TDRD12: variants seen among roughly 807,000 people sequenced by gnomAD.
The protein encoded by TDRD12 is tudor domain containing 12.
Under a neutral mutation model 133.5 loss-of-function variants are expected in TDRD12, and 158 were observed. The observed-to-expected ratio is 1.18, with a 90% CI of 1.04 to 1.35. TDRD12 has a LOEUF of 1.35. TDRD12 is among the 40% of genes most tolerant of loss of function. The probability of loss-of-function intolerance (pLI) is 0.00; values close to 1 mark genes in which losing one functional copy is unlikely to be tolerated. For missense variants in TDRD12, 1,443 were observed against 1,321.3 expected (o/e 1.09, Z -1.43); for synonymous variants, 460 against 477.9 (o/e 0.96, Z 0.49).
chr19:32,735,465 G>C lies in TDRD12; in HGVS notation c.184-3391G>C, dbSNP rs114719710. 2.8e-3 allele frequency among the ~76,000 whole-genome samples: 419 copies of C among 152,294 alleles called. 1 individual carries two copies. Among genetic ancestry groups the C allele is most frequent in the African/African-American group, 9.3e-3 (387 of 41,550 alleles). ...GCTGCAGGGAAAAAATGTGAAGCTAGCGGAGGTTGGTTCATGAGGTTTAAG... is the reference window on the plus strand; with the variant it reads ...GCTGCAGGGAAAAAATGTGAAGCTACCGGAGGTTGGTTCATGAGGTTTAAG... On this transcript the variant is annotated intron_variant, in intron 2 of 27. Coordinates refer to ENST00000444215, the Ensembl canonical transcript of TDRD12.
At chr19:32,754,000 G>A (rs1382678214) in intron 6 of TDRD12, among the ~76,000 whole-genome samples, 1 of 152,144 alleles carries the variant, frequency 6.6e-6, no homozygotes, top group Non-Finnish European at 1.5e-5. Context: ...GTTTGCCAAA[G>A]TTACTTAGGT....
At chr19:32,781,687 TTCTCTC>T (rs35069423) in intron 11 of TDRD12, among the ~76,000 whole-genome samples, 9 of 148,288 alleles carry the variant, frequency 6.1e-5, no homozygotes, top group South Asian at 4.3e-4. Context: ...TCCTTTCCTT[TTCTCTC>T]TCTCTCTCTC....
chr19:32,733,115 T>A (rs1433882505), intron 2 of TDRD12, among the ~76,000 whole-genome samples: 2 of 152,120 alleles, frequency 1.3e-5, no homozygotes, highest in Admixed American at 6.6e-5. Flanking sequence ...ATAGCTGCAG[T>A]AAGCTGTGTT....
At chr19:32,823,478 C>T (rs73580050), downstream of TDRD12, among the ~76,000 whole-genome samples, 220 of 152,182 alleles carry the variant, frequency 1.4e-3, 2 homozygotes, top group African/African-American at 5.2e-3. Flanking sequence ...AACCCAGGTT[C>T]TTCATCACAG....
intron 5 of TDRD12, 21 bp from the exon 6 acceptor site, chr19:32,749,763 G>A (rs1428040332): frequency 6.6e-7 from 1 of 1,508,072 alleles, no homozygotes; most frequent in Admixed American, 2.0e-5. Context: ...GCTGATTTGT[G>A]TTTTCATTTA....
intron 8 of TDRD12, among the ~76,000 whole-genome samples, chr19:32,768,315 A>AT (rs556553691): frequency 1.5e-4 from 23 of 151,880 alleles, no homozygotes; most frequent in Non-Finnish European, 2.8e-4. Flanking sequence ...TTTTAAAGAG[A>AT]TTTTTAAGAT....
intron 21 of TDRD12, among the ~76,000 whole-genome samples, chr19:32,804,588 G>A (rs1186177460): frequency 6.6e-6 from 1 of 151,670 alleles, no homozygotes; most frequent in Non-Finnish European, 1.5e-5. Context: ...AGCTACTTGG[G>A]AGGCTGAGGC....
chr19:32,719,928 G>C, exon 1 of TDRD12: 1 of 1,035,822 alleles, frequency 9.7e-7, no homozygotes, highest in Middle Eastern at 3.0e-4. Context: ...TGGGGCACCT[G>C]CCGCGGGGGG....
chr19:32,778,548 A>G (rs1970674902), intron 11 of TDRD12, among the ~76,000 whole-genome samples: 1 of 152,064 alleles, frequency 6.6e-6, no homozygotes, highest in African/African-American at 2.4e-5. Context: ...CACCCAGGAT[A>G]GAGTGCAATG....
chr19:32,825,020 G>A (rs1159404273), downstream of TDRD12, among the ~76,000 whole-genome samples: 4 of 152,122 alleles, frequency 2.6e-5, no homozygotes, highest in Non-Finnish European at 4.4e-5. The surrounding 1 kb of genome is among the most constrained non-coding windows in gnomAD (Gnocchi z 4.1). Flanking sequence ...CTAGCTTCAC[G>A]GCTCTGTCTT....
At chr19:32,777,298 T>A in intron 11 of TDRD12, 69 bp downstream of exon 11, 1 of 988,780 alleles carries the variant, frequency 1.0e-6, no homozygotes, top group South Asian at 1.7e-5. Flanking sequence ...ACAAGAGAAA[T>A]CTACACATTT....
At chr19:32,812,454 A>G (rs1459959726) in intron 24 of TDRD12, among the ~76,000 whole-genome samples, 2 of 149,492 alleles carry the variant, frequency 1.3e-5, no homozygotes, top group Admixed American at 1.3e-4. Context: ...ACAAAGTTAA[A>G]CATTATCCAG....
chr19:32,795,335 GAAAA>G (rs35855895), intron 14 of TDRD12, among the ~76,000 whole-genome samples: 1 of 114,272 alleles, frequency 8.8e-6, no homozygotes, highest in Non-Finnish European at 1.8e-5. Context: ...CTCCATCTCA[GAAAA>G]AAAAAAAAAA....
intron 13 of TDRD12, among the ~76,000 whole-genome samples, chr19:32,792,535 AAGT>A (rs1971101239): frequency 6.6e-6 from 1 of 152,184 alleles, no homozygotes; most frequent in South Asian, 2.1e-4. Flanking sequence ...CTAACTCAGA[AAGT>A]AGAGGAAAAA....
At chr19:32,752,960 T>C (rs1193897624) in intron 6 of TDRD12, among the ~76,000 whole-genome samples, 3 of 151,904 alleles carry the variant, frequency 2.0e-5, no homozygotes, top group African/African-American at 4.8e-5. Context: ...GCCTGGCTAA[T>C]TTTTTGTATA....
chr19:32,741,495 A>G (rs1969424796), intron 3 of TDRD12, among the ~76,000 whole-genome samples: 1 of 152,282 alleles, frequency 6.6e-6, no homozygotes, highest in African/African-American at 2.4e-5. Flanking sequence ...CCTGCATTGC[A>G]TACAACCGTA....
downstream of TDRD12, among the ~76,000 whole-genome samples, chr19:32,824,706 C>T (rs189156100): frequency 5.1e-3 from 777 of 152,196 alleles, 5 homozygotes; most frequent in Admixed American, 7.1e-3. Context: ...TTCCTGAGCT[C>T]GAGGGGATGC....
chr19:32,720,040 G>C (rs966712554), exon 1 of TDRD12: 9 of 1,547,412 alleles, frequency 5.8e-6, no homozygotes, highest in Middle Eastern at 1.7e-4. Context: ...CTTCCAGGGC[G>C]AGGGGGCCCA....
Position 32,777,131 on chromosome 19 carries a change from T to C in TDRD12, c.1041-18T>C. 6.6e-7 allele frequency: 1 copy of C among 1,507,578 alleles called. No homozygotes were observed. The allele number at this position is 1,507,578 out of a possible 1,614,324, so 93.4% of individuals were successfully genotyped here. A position where few individuals can be genotyped will look rare whatever the true frequency, so the allele number is the denominator to read the frequency against. On this transcript the variant is annotated intron_variant, in intron 10 of 27. Coordinates refer to ENST00000444215, the Ensembl canonical transcript of TDRD12. ...TGCTGTTCACAAATTTTAATGAATT[T>C]TTTTTTTTCATTTCTAGTGCTTTAA...
Sources: allele counts gnomAD v4.1 joint callset (sites outside exome capture counted in the v4.1 genomes callset), GRCh38; gene constraint gnomAD v4.1.1; non-coding constraint Gnocchi (gnomAD v3.1); transcripts MANE v1.5; gene names NCBI Gene and HGNC (gene_info 2026-07-23, HGNC 2026-07-21).